DPT: variants seen among roughly 807,000 people sequenced by gnomAD.
DPT encodes the protein tyrosine-rich acidic matrix protein.
A neutral mutation model predicts 31.2 loss-of-function variants in DPT; 21 were observed. The ratio of observed to expected loss-of-function variants is 0.67; its 90% CI spans 0.48 to 0.97. The LOEUF (loss-of-function observed/expected upper bound fraction) is 0.97. DPT is among the 50% of genes least tolerant of loss of function. DPT has a pLI of 0.00. For synonymous variants in DPT, 91 were observed against 86.9 expected (o/e 1.05, Z -0.26); for missense variants, 262 against 258.8 (o/e 1.01, Z -0.08).
intron 2 of DPT, among the ~76,000 whole-genome samples, chr1:168,706,010 T>A (rs1649710722): frequency 6.6e-6 from 1 of 152,192 alleles, no homozygotes; most frequent in Admixed American, 6.5e-5. Context: ...GAACTGTGAG[T>A]TCTCCATTAA....
rs919617306 is a variant in DPT at position 168,695,629 on chromosome 1, A to T, written c.*920T>A. ...CCAGGGCAGCCTTTCCCACCAAAAA[A>T]ATCAGGCCCAATCCAGGAGAGTTTG... On this transcript the variant is annotated 3_prime_UTR_variant, in exon 4 of 4. Coordinates refer to ENST00000367817, the MANE Select transcript of DPT (RefSeq NM_001937.5). 6.6e-6 allele frequency: 1 copy of T among 152,208 alleles called. No individual in the cohort carries two copies. Among genetic ancestry groups the T allele is most frequent in the Admixed American group, 6.5e-5 (1 of 15,292 alleles). The allele number at this position is 152,208 out of a possible 1,614,324, so 9.4% of individuals were successfully genotyped here.
In DPT at chr1:168,719,252, T is replaced by C. The variant is rs1455655110; in HGVS notation, c.306-4906A>G. On this transcript the variant is annotated intron_variant, in intron 1 of 3. Transcript: ENST00000367817. ...CTTGCTTCCGTTCTCTCCCTGCAGC[T>C]CCATGATGAGGGGGCAAAATAAATA... Among the ~76,000 whole-genome samples the C allele has an allele frequency of 2.0e-5, 3 of 152,140 alleles. 1 individual carries two copies. Among genetic ancestry groups the C allele is most frequent in the Non-Finnish European group, 4.4e-5 (3 of 68,020 alleles).
intron 2 of DPT, among the ~76,000 whole-genome samples, chr1:168,710,334 G>T (rs370482132): frequency 2.0e-5 from 3 of 152,206 alleles, no homozygotes; most frequent in Non-Finnish European, 4.4e-5. Flanking sequence ...CACCTTAGTG[G>T]GACTTGTTTC....
At chr1:168,717,161 A>C (rs1650002519) in intron 1 of DPT, among the ~76,000 whole-genome samples, 1 of 152,216 alleles carries the variant, frequency 6.6e-6, no homozygotes, top group Admixed American at 6.5e-5. Flanking sequence ...ACTAATTTAC[A>C]TTCCGACCAA....
At chr1:168,721,609 C>T (rs994867663) in intron 1 of DPT, among the ~76,000 whole-genome samples, 1 of 152,180 alleles carries the variant, frequency 6.6e-6, no homozygotes, top group African/African-American at 2.4e-5. Flanking sequence ...AAAGGCAATA[C>T]CAAGCCTCTC....
chr1:168,720,291 C>T lies in DPT; in HGVS notation c.306-5945G>A, dbSNP rs1045996118. On this transcript the variant is annotated intron_variant, in intron 1 of 3. Coordinates refer to ENST00000367817, the MANE Select transcript of DPT (RefSeq NM_001937.5). ...TCTCAAGAAATATAATAAATCTCTT[C>T]GAGATGGTCCCACAGCTCTGATTGG... Among the ~76,000 whole-genome samples the T allele has an allele frequency of 9.9e-5, 15 of 152,266 alleles. 1 individual carries two copies. Among genetic ancestry groups the T allele is most frequent in the Admixed American group, 6.5e-4 (10 of 15,306 alleles).
chr1:168,708,124 G>A (rs73032003), intron 2 of DPT, among the ~76,000 whole-genome samples: 4,424 of 152,204 alleles, frequency 0.029, 194 homozygotes, highest in African/African-American at 0.1. Context: ...TAATGCAAAT[G>A]CTATGTGAGT....
At position 168,701,016 on chromosome 1, in the gene DPT, C is replaced by T; in HGVS notation, c.539+1G>A. Reference sequence around the variant, plus strand: ...CATTGGGAAGGGGCTGTCTTTCTCACCTTTCCACTGCAGAGAAAGTGGTTG... The same window carrying T: ...CATTGGGAAGGGGCTGTCTTTCTCATCTTTCCACTGCAGAGAAAGTGGTTG... On this transcript the variant is annotated splice_donor_variant, in intron 3 of 3. Coordinates refer to ENST00000367817, the MANE Select transcript of DPT (RefSeq NM_001937.5). LOFTEE classifies it high-confidence loss of function. The T allele has an allele frequency of 3.1e-6, 5 of 1,611,244 alleles. No homozygotes were observed. The highest frequency in any genetic ancestry group is 4.2e-6 in the Non-Finnish European group (5 of 1,177,712).
chr1:168,724,617 G>A (rs975862852), intron 1 of DPT, among the ~76,000 whole-genome samples: 1 of 152,092 alleles, frequency 6.6e-6, no homozygotes, highest in Non-Finnish European at 1.5e-5. Context: ...TGGAGACAGC[G>A]AGATGTGTGG....
chr1:168,711,843 C>T (rs1048997260), intron 2 of DPT, among the ~76,000 whole-genome samples: 1 of 152,148 alleles, frequency 6.6e-6, no homozygotes, highest in Non-Finnish European at 1.5e-5. Flanking sequence ...CAAAAAGTAG[C>T]CTGAAGTCAT....
intron 2 of DPT, among the ~76,000 whole-genome samples, chr1:168,705,997 A>ACG (rs146687392): frequency 0.16 from 24,385 of 152,180 alleles, 2,720 homozygotes; most frequent in African/African-American, 0.32. Context: ...TTCCTCAGCC[A>ACG]TGGAACTGTG....
At chr1:168,728,590 G>A (rs1014571371) in intron 1 of DPT, among the ~76,000 whole-genome samples, 4 of 152,200 alleles carry the variant, frequency 2.6e-5, no homozygotes, top group African/African-American at 9.7e-5. Flanking sequence ...ACCTACACCA[G>A]CCCCTGGCCC....
intron 2 of DPT, among the ~76,000 whole-genome samples, chr1:168,706,488 A>G (rs1572626577): frequency 6.6e-6 from 1 of 152,154 alleles, no homozygotes; most frequent in African/African-American, 2.4e-5. Flanking sequence ...GAAAAAATAA[A>G]CCCCAAATGG....
chr1:168,699,586 CTTT>C (rs75395550), intron 3 of DPT, among the ~76,000 whole-genome samples: 3 of 130,376 alleles, frequency 2.3e-5, no homozygotes, highest in African/African-American at 8.8e-5. Context: ...TACTTAATGT[CTTT>C]TTTTTTTTTT....
chr1:168,714,945 G>T (rs1422725400), intron 1 of DPT, among the ~76,000 whole-genome samples: 1 of 152,090 alleles, frequency 6.6e-6, no homozygotes. Context: ...ACTTATCCAG[G>T]AATCTTTCTA....
chr1:168,704,441 C>T (rs1226864132), intron 2 of DPT, among the ~76,000 whole-genome samples: 1 of 152,200 alleles, frequency 6.6e-6, no homozygotes, highest in Non-Finnish European at 1.5e-5. Flanking sequence ...TTAATAAAAA[C>T]TACTGCTGTG....
intron 1 of DPT, among the ~76,000 whole-genome samples, chr1:168,723,138 C>A (rs895586192): frequency 6.6e-6 from 1 of 152,216 alleles, no homozygotes; most frequent in African/African-American, 2.4e-5. Context: ...CCTTCTTGCC[C>A]TCAGAAGTCA....
intron 1 of DPT, 49 bp downstream of exon 1, chr1:168,728,821 T>C: frequency 6.3e-7 from 1 of 1,592,142 alleles, no homozygotes. Flanking sequence ...GGAGGAGGGA[T>C]ATGCAGAGAT....
chr1:168,698,718 A>G (rs1361352074), intron 3 of DPT, among the ~76,000 whole-genome samples: 1 of 152,136 alleles, frequency 6.6e-6, no homozygotes, highest in Non-Finnish European at 1.5e-5. Flanking sequence ...AGACCCTGAA[A>G]CAAAGAAATA....
Sources: allele counts gnomAD v4.1 joint callset (sites outside exome capture counted in the v4.1 genomes callset), GRCh38; gene constraint gnomAD v4.1.1; transcripts MANE v1.5; gene names NCBI Gene and HGNC (gene_info 2026-07-23, HGNC 2026-07-21).